Variants in JCAD observed in about 807,000 individuals in gnomAD.
JCAD encodes the protein junctional cadherin 5-associated protein.
In JCAD, 40 loss-of-function variants were observed where a neutral mutation model predicts 98.0. The ratio of observed to expected loss-of-function variants is 0.41; its 90% CI spans 0.32 to 0.53. JCAD has a LOEUF of 0.53. Among genes scored for constraint, JCAD ranks in the 20% least tolerant of loss-of-function variants. The pLI is 0.31. For missense variants in JCAD, 1,705 were observed against 1,738.1 expected (o/e 0.98, Z 0.34); for synonymous variants, 691 against 682.3 (o/e 1.01, Z -0.20).
rs1564442415 is a variant in JCAD, at chr10:30,027,349, G to A, written c.2799C>T (p.Gly933=). ...GHPRAWPPSP[G]RFRVEEGGGA... is the part of the protein sequence containing the mutation. The stretch of plus-strand genomic sequence containing the variant: ...CGCCACCTTCTTCCACGCGAAAGCG[G>A]CCCGGGGATGGAGGCCAGGCACGTG... Residue 933 remains glycine, a synonymous_variant, in exon 3 of 4, where the codon GGC becomes GGT. Transcript: ENST00000375377. 1.2e-6 allele frequency: 2 copies of A among 1,611,946 alleles called. No homozygotes were observed. The highest frequency in any genetic ancestry group is 1.7e-6 in the Non-Finnish European group (2 of 1,180,032).
chr10:30,080,081 G>C (rs1025792596), intron 1 of JCAD, among the ~76,000 whole-genome samples: 1 of 152,098 alleles, frequency 6.6e-6, no homozygotes, highest in Admixed American at 6.5e-5. Flanking sequence ...CTAGAAGAAG[G>C]CCAGGGAGAC....
At chr10:30,091,677 G>T (rs1191390900) in intron 1 of JCAD, among the ~76,000 whole-genome samples, 1 of 143,694 alleles carries the variant, frequency 7.0e-6, no homozygotes, top group East Asian at 2.1e-4. Flanking sequence ...CATTTACATG[G>T]TTTGTAATTT....
chr10:30,012,953 T>G lies in JCAD; in HGVS notation c.*4930A>C, dbSNP rs1836449760. On this transcript the variant is annotated 3_prime_UTR_variant, in exon 4 of 4. Coordinates refer to ENST00000375377, the MANE Select transcript of JCAD (RefSeq NM_020848.4). ...TTTGCCGGCATTTTATCTGCTACTTTGTCCTGCTTCTCTCTTCCCTGTGCT... is the reference window on the plus strand; with the variant it reads ...TTTGCCGGCATTTTATCTGCTACTTGGTCCTGCTTCTCTCTTCCCTGTGCT... The G allele has an allele frequency of 6.6e-6, 1 of 152,500 alleles. No homozygotes were observed. Among genetic ancestry groups the G allele is most frequent in the Admixed American group, 6.5e-5 (1 of 15,290 alleles). 9.4% of individuals were successfully genotyped at this position (152,500 alleles called of 1,614,324 possible).
intron 1 of JCAD, among the ~76,000 whole-genome samples, chr10:30,105,861 A>T (rs753927513): frequency 6.6e-6 from 1 of 152,208 alleles, no homozygotes; most frequent in Non-Finnish European, 1.5e-5. Context: ...TAAAACATCA[A>T]AAGCTGATTT....
In JCAD at chr10:30,020,652, A is replaced by C. The variant is rs114588640; in HGVS notation, c.4046-2735T>G. On this transcript the variant is annotated intron_variant, in intron 3 of 3. Transcript: ENST00000375377. ...GAATAATCTGGCTAAAAGGAAGGGG[A>C]GTTCACATAAATTCTTTCTGACTGT... Among the ~76,000 whole-genome samples, 827 of 152,352 alleles carry C rather than the reference A, an allele frequency of 5.4e-3. 7 individuals are homozygous for C. The highest frequency in any genetic ancestry group is 0.019 in the African/African-American group (777 of 41,578).
chr10:30,097,450 A>G (rs1231316931), intron 1 of JCAD, among the ~76,000 whole-genome samples: 1 of 152,164 alleles, frequency 6.6e-6, no homozygotes, highest in Non-Finnish European at 1.5e-5. Flanking sequence ...GATGCATCCA[A>G]TTAGAAAAGA....
chr10:30,033,992 G>A (rs1159997313), intron 2 of JCAD, among the ~76,000 whole-genome samples: 1 of 152,190 alleles, frequency 6.6e-6, no homozygotes, highest in African/African-American at 2.4e-5. Context: ...GGAGGCTGAG[G>A]TGGGTGGATC....
intron 1 of JCAD, among the ~76,000 whole-genome samples, chr10:30,110,444 C>A (rs1173309203): frequency 6.6e-6 from 1 of 152,014 alleles, no homozygotes; most frequent in African/African-American, 2.4e-5. Flanking sequence ...GGTGTATGGA[C>A]CCCTGATGTA....
chr10:30,104,601 A>G (rs1838534711), intron 1 of JCAD, among the ~76,000 whole-genome samples: 1 of 152,164 alleles, frequency 6.6e-6, no homozygotes, highest in Non-Finnish European at 1.5e-5. Flanking sequence ...CAAGGGTTGA[A>G]CAGCTACCTG....
intron 3 of JCAD, among the ~76,000 whole-genome samples, chr10:30,020,326 C>CA (rs59762991): frequency 0.029 from 2,361 of 82,656 alleles, 49 homozygotes; most frequent in South Asian, 0.057. Flanking sequence ...GACTCGGTCT[C>CA]AAAAAAAAAA....
rs528602291 is a variant in JCAD at position 30,029,807 on chromosome 10, G to C, written c.341C>G (p.Ala114Gly). Residue 114 changes from alanine to glycine, a missense_variant, in exon 3 of 4, where the codon GCC (alanine) becomes GGC (glycine). Ala to Gly is a moderately conservative substitution (Grantham distance 60, BLOSUM62 0). Coordinates refer to ENST00000375377, the MANE Select transcript of JCAD (RefSeq NM_020848.4). ...TTCTTGCCGTCCTCTTCTCCGGTAG[G>C]CTTGGTCGTTACCAGTCGGGGGATG... ...SSHPPTGNDQAYRRRGRQEAR... is the reference protein window; with the variant it reads ...SSHPPTGNDQGYRRRGRQEAR... 1.2e-6 allele frequency: 2 copies of C among 1,614,204 alleles called. No individual in the cohort carries two copies. Among genetic ancestry groups the C allele is most frequent in the Middle Eastern group, 1.6e-4 (1 of 6,062 alleles).
chr10:30,066,668 T>C (rs925897402), intron 2 of JCAD, among the ~76,000 whole-genome samples: 11 of 152,200 alleles, frequency 7.2e-5, no homozygotes, highest in Non-Finnish European at 1.6e-4. Flanking sequence ...CACCATTCCA[T>C]ACCAGCTAAT....
intron 1 of JCAD, among the ~76,000 whole-genome samples, chr10:30,086,469 G>A (rs1838168901): frequency 6.6e-6 from 1 of 152,232 alleles, no homozygotes; most frequent in South Asian, 2.1e-4. Context: ...GACAGAAGGT[G>A]GAAAGTTCCG....
intron 1 of JCAD, among the ~76,000 whole-genome samples, chr10:30,099,165 G>T (rs1273819714): frequency 6.6e-6 from 1 of 152,158 alleles, no homozygotes; most frequent in African/African-American, 2.4e-5. Flanking sequence ...TGGGGAAAAT[G>T]AAACGTAAAC....
chr10:30,024,373 A>C (rs2132607939), intron 3 of JCAD, among the ~76,000 whole-genome samples: 1 of 152,232 alleles, frequency 6.6e-6, no homozygotes, highest in East Asian at 1.9e-4. Context: ...AGTTTTAACT[A>C]ACCTTAAAGT....
At chr10:30,095,150 GTCCTTCCCTGGT>G (rs2132701254) in intron 1 of JCAD, among the ~76,000 whole-genome samples, 1 of 152,168 alleles carries the variant, frequency 6.6e-6, no homozygotes, top group South Asian at 2.1e-4. Context: ...AGAACTCTGG[GTCCTTCCCTGGT>G]TCATGCCTCT....
At chr10:30,038,528 T>G (rs1205141824) in intron 2 of JCAD, among the ~76,000 whole-genome samples, 3 of 150,060 alleles carry the variant, frequency 2.0e-5, no homozygotes, top group Non-Finnish European at 3.0e-5. Context: ...CACAAAAAAT[T>G]TAAAAAGAAA....
intron 2 of JCAD, among the ~76,000 whole-genome samples, chr10:30,030,947 C>T (rs1465122288): frequency 1.3e-5 from 2 of 149,940 alleles, no homozygotes; most frequent in African/African-American, 5.0e-5. Context: ...CAAGTGTCCC[C>T]GGAGATTCCC....
At chr10:30,034,842 C>T (rs189622570) in intron 2 of JCAD, among the ~76,000 whole-genome samples, 1 of 152,228 alleles carries the variant, frequency 6.6e-6, no homozygotes, top group African/African-American at 2.4e-5. Context: ...ATTGTTACAC[C>T]CCACTGTGAA....
Sources: allele counts gnomAD v4.1 joint callset (sites outside exome capture counted in the v4.1 genomes callset), GRCh38; gene constraint gnomAD v4.1.1; transcripts MANE v1.5; gene names NCBI Gene and HGNC (gene_info 2026-07-23, HGNC 2026-07-21).